COX6B1: variants seen among roughly 807,000 people sequenced by gnomAD.
The protein encoded by COX6B1 is cytochrome c oxidase subunit 6B1.
In COX6B1, 2 loss-of-function variants were observed where a neutral mutation model predicts 14.0. That is an observed-to-expected ratio of 0.14 (90% confidence interval 0.06 to 0.45). The LOEUF is 0.45. COX6B1 is among the 20% of genes least tolerant of loss of function. The probability of loss-of-function intolerance (pLI) is 0.98; values close to 1 mark genes in which losing one functional copy is unlikely to be tolerated. For synonymous variants in COX6B1, 30 were observed against 39.7 expected (o/e 0.76, Z 0.92); for missense variants, 81 against 114.2 (o/e 0.71, Z 1.33).
chr19:35,657,001 C>G (rs2146373850), intron 3 of COX6B1, among the ~76,000 whole-genome samples: 1 of 152,152 alleles, frequency 6.6e-6, no homozygotes, highest in East Asian at 1.9e-4. Flanking sequence ...CACCAGTGGT[C>G]CTCACCCTTT....
At chr19:35,651,959 A>G (rs114935371) in intron 2 of COX6B1, among the ~76,000 whole-genome samples, 1,526 of 152,160 alleles carry the variant, frequency 0.01, 13 homozygotes, top group African/African-American at 0.035. Context: ...GAATAATTCT[A>G]AAGTGAACCC....
Position 35,650,931 on chromosome 19 carries a change from G to A in COX6B1, c.-11-302G>A, listed in dbSNP as rs537397385. On this transcript the variant is annotated intron_variant, in intron 1 of 3. Coordinates refer to ENST00000649813, the MANE Select transcript of COX6B1 (RefSeq NM_001863.5). Reference sequence around the variant, plus strand: ...GTAATAGTTCCTACCTTTTAGAGTGGCTATAGGAGTAAAGTGTGTAGAACA... The same window carrying A: ...GTAATAGTTCCTACCTTTTAGAGTGACTATAGGAGTAAAGTGTGTAGAACA... 3.9e-5 allele frequency among the ~76,000 whole-genome samples: 6 copies of A among 152,238 alleles called. No homozygotes were observed. The East Asian group carries it at 7.7e-4, about 20-fold the overall frequency.
intron 2 of COX6B1, among the ~76,000 whole-genome samples, chr19:35,654,112 C>G (rs1370358838): frequency 1.3e-5 from 2 of 152,210 alleles, no homozygotes; most frequent in African/African-American, 2.4e-5. Flanking sequence ...CATGCTGTGG[C>G]ATATAGCTTG....
chr19:35,656,068 A>G (rs1967886072), intron 3 of COX6B1, among the ~76,000 whole-genome samples: 1 of 152,056 alleles, frequency 6.6e-6, no homozygotes, highest in Non-Finnish European at 1.5e-5. Context: ...AGCTCAAAGC[A>G]GTCTGCCTGC....
At chr19:35,650,569 A>T (rs1330051198) in intron 1 of COX6B1, among the ~76,000 whole-genome samples, 3 of 152,088 alleles carry the variant, frequency 2.0e-5, no homozygotes, top group African/African-American at 7.2e-5. Flanking sequence ...TTAGCAGGGC[A>T]TGGTGGCAGG....
intron 1 of COX6B1, among the ~76,000 whole-genome samples, chr19:35,649,110 C>T (rs896498308): frequency 6.6e-6 from 1 of 152,122 alleles, no homozygotes; most frequent in Non-Finnish European, 1.5e-5. Context: ...AGGCTCCCGA[C>T]GAACACTGTC....
intron 2 of COX6B1, among the ~76,000 whole-genome samples, chr19:35,654,326 G>A (rs1967864016): frequency 1.3e-5 from 2 of 152,210 alleles, no homozygotes; most frequent in Middle Eastern, 3.4e-3. Flanking sequence ...CCAACATGGC[G>A]AAACCCTGTC....
intron 2 of COX6B1, among the ~76,000 whole-genome samples, chr19:35,652,999 C>T (rs1221984676): frequency 7.1e-6 from 1 of 140,120 alleles, no homozygotes; most frequent in South Asian, 2.3e-4. Context: ...GACGGAGTCT[C>T]GCTTTGTCGC....
chr19:35,658,700 A>AG lies in COX6B1; in HGVS notation c.*58dup. The AG allele has an allele frequency of 6.5e-7, 1 of 1,538,580 alleles. No homozygotes were observed. Among genetic ancestry groups the AG allele is most frequent in the Non-Finnish European group, 9.0e-7 (1 of 1,111,538 alleles). ...CTCCATCCTTCTCCCAGGATGGTGA[A>AG]GGGGGACCTGGTACCCAGTGATCCC... On this transcript the variant is annotated 3_prime_UTR_variant, in exon 4 of 4. Coordinates refer to ENST00000649813, the MANE Select transcript of COX6B1 (RefSeq NM_001863.5).
intron 2 of COX6B1, 116 bp from the exon 3 acceptor site, chr19:35,654,450 GTGAGC>G: frequency 1.2e-6 from 1 of 811,066 alleles, no homozygotes. Flanking sequence ...AGAGGTTGCA[GTGAGC>G]TGAGATCGCA....
intron 3 of COX6B1, among the ~76,000 whole-genome samples, chr19:35,655,789 T>TCTCTC (rs1391768806): frequency 7.9e-6 from 1 of 126,222 alleles, no homozygotes; most frequent in African/African-American, 3.2e-5. Flanking sequence ...CTCTCTCTCT[T>TCTCTC]TGTCGCCCTC....
Position 35,658,655 on chromosome 19 carries a change from G to A in COX6B1, c.*8G>A, listed in dbSNP as rs763306735. 15 of 1,613,518 alleles carry A rather than the reference G, an allele frequency of 9.3e-6. No homozygotes were observed. The South Asian group carries it at 1.4e-4, about 15-fold the overall frequency. On this transcript the variant is annotated 3_prime_UTR_variant, in exon 4 of 4. Coordinates refer to ENST00000649813, the MANE Select transcript of COX6B1 (RefSeq NM_001863.5). ...TTTCCCGGGAAGATCTGAACTGGCT[G>A]CATCTCCCTTTCCTCTGTCCTCCAT...
At chr19:35,654,306 A>T (rs1599622364) in intron 2 of COX6B1, among the ~76,000 whole-genome samples, 1 of 152,122 alleles carries the variant, frequency 6.6e-6, no homozygotes, top group African/African-American at 2.4e-5. Context: ...GCAGATCAAG[A>T]CCAGCCTGGC....
At chr19:35,657,392 G>A (rs770309893) in intron 3 of COX6B1, among the ~76,000 whole-genome samples, 29 of 152,162 alleles carry the variant, frequency 1.9e-4, no homozygotes, top group South Asian at 1.2e-3. Context: ...GCATTAGGGA[G>A]TGCTTGTAAA....
intron 3 of COX6B1, among the ~76,000 whole-genome samples, 191 bp from the exon 4 acceptor site, chr19:35,658,403 T>C (rs771570024): frequency 6.6e-6 from 1 of 152,140 alleles, no homozygotes; most frequent in Non-Finnish European, 1.5e-5. Context: ...TCCCAGCATG[T>C]CAGCTTGTTC....
chr19:35,654,022 A>G (rs1053417409), intron 2 of COX6B1, among the ~76,000 whole-genome samples: 2 of 151,868 alleles, frequency 1.3e-5, no homozygotes, highest in Admixed American at 1.3e-4. Flanking sequence ...GTTTAGATTC[A>G]CCTCTTTGTG....
chr19:35,652,741 C>T (rs1187341333), intron 2 of COX6B1, among the ~76,000 whole-genome samples: 4 of 151,648 alleles, frequency 2.6e-5, no homozygotes, highest in Admixed American at 6.6e-5. Context: ...CCACTGTGCC[C>T]GGCCTCACAT....
intron 2 of COX6B1, among the ~76,000 whole-genome samples, chr19:35,652,220 G>A (rs1039693408): frequency 1.4e-4 from 21 of 150,056 alleles, no homozygotes; most frequent in African/African-American, 4.4e-4. Flanking sequence ...TAGTAGAGAC[G>A]GGGTTTCTCC....
chr19:35,650,766 T>G (rs564423950), intron 1 of COX6B1, among the ~76,000 whole-genome samples: 1 of 151,936 alleles, frequency 6.6e-6, no homozygotes, highest in Non-Finnish European at 1.5e-5. Context: ...CTGAGGAGTT[T>G]GTGGCACCAA....
Sources: allele counts gnomAD v4.1 joint callset (sites outside exome capture counted in the v4.1 genomes callset), GRCh38; gene constraint gnomAD v4.1.1; transcripts MANE v1.5; gene names NCBI Gene and HGNC (gene_info 2026-07-23, HGNC 2026-07-21).